Variants in REPS1 observed in about 807,000 individuals in gnomAD.
REPS1 encodes the protein RALBP1 associated Eps domain containing 1, also known as ralBP1-associated Eps domain-containing protein 1.
Under a neutral mutation model 100.9 loss-of-function variants are expected in REPS1, and 39 were observed. The observed-to-expected ratio is 0.39, with a 90% CI of 0.30 to 0.50. REPS1 has a LOEUF of 0.50. Among genes scored for constraint, REPS1 ranks in the 20% least tolerant of loss-of-function variants. The pLI, the probability that REPS1 is intolerant of heterozygous loss-of-function variation, is 0.86. For missense variants in REPS1, 821 were observed against 968.5 expected (o/e 0.85, Z 2.02); for synonymous variants, 324 against 340.3 (o/e 0.95, Z 0.53).
intron 10 of REPS1, among the ~76,000 whole-genome samples, chr6:138,923,016 C>T (rs1780880556): frequency 6.6e-6 from 1 of 152,146 alleles, no homozygotes; most frequent in South Asian, 2.1e-4. Flanking sequence ...TGCCCCTACA[C>T]CACAGAGAAT....
chr6:138,977,750 C>T (rs1362938183), intron 1 of REPS1, among the ~76,000 whole-genome samples: 2 of 152,150 alleles, frequency 1.3e-5, no homozygotes, highest in Non-Finnish European at 2.9e-5. Context: ...TTTCATTTCT[C>T]TTGGGCAGAT....
At position 138,908,677 on chromosome 6, in the gene REPS1, G is replaced by C. The variant is rs200224403; in HGVS notation, c.2207C>G (p.Ser736Cys). ...VLAAVLASQP[S>C]IPRSVGKDKK... is the part of the protein sequence containing the mutation. ...GAATAGCTTTGATTACCTGGGAATA[G>C]AAGGTTGTGATGCAAGAACAGCAGC... Residue 736 changes from serine (S) to cysteine (C), a missense_variant, in exon 18 of 20, where the codon TCT (serine) becomes TGT (cysteine). By Grantham distance (112) the Ser-to-Cys change is moderately radical. Transcript: ENST00000450536. The C allele has an allele frequency of 1.2e-6, 2 of 1,614,106 alleles. No homozygotes were observed. Among genetic ancestry groups the C allele is most frequent in the Non-Finnish European group, 1.7e-6 (2 of 1,179,998 alleles).
At chr6:138,914,336 G>A (rs924190873) in intron 15 of REPS1, among the ~76,000 whole-genome samples, 2 of 152,140 alleles carry the variant, frequency 1.3e-5, no homozygotes, top group African/African-American at 4.8e-5. Flanking sequence ...GCCTCCCAAA[G>A]TGCTGCAATT....
intron 7 of REPS1, among the ~76,000 whole-genome samples, chr6:138,943,098 C>T (rs1782374299): frequency 6.6e-6 from 1 of 152,122 alleles, no homozygotes; most frequent in Admixed American, 6.5e-5. Context: ...GTTCTAATAG[C>T]CAATTCGAAC....
chr6:138,907,718 C>G (rs1779753392), intron 18 of REPS1, 118 bp from the exon 19 acceptor site: 2 of 643,376 alleles, frequency 3.1e-6, no homozygotes, highest in Non-Finnish European at 5.5e-6. Context: ...TTTTTCCTTA[C>G]TAGCACAGCT....
At chr6:138,983,730 C>T (rs1436661664) in intron 1 of REPS1, among the ~76,000 whole-genome samples, 2 of 152,114 alleles carry the variant, frequency 1.3e-5, no homozygotes, top group Non-Finnish European at 2.9e-5. Context: ...TATGTGCATG[C>T]CCAGTCTATG....
Position 138,912,806 on chromosome 6 carries a change from C to T in REPS1, c.1930G>A (p.Glu644Lys), listed in dbSNP as rs1780095977. ...TGTTTCTCGGCTTCATCATCTTGTT[C>T]GTCGTTTACATTTGATGCAGCAAAT... ...EVFAASNVNDEQDDEAEKHPE... is the reference protein window; with the variant it reads ...EVFAASNVNDKQDDEAEKHPE... The change falls in exon 16 of 20, where the codon GAA becomes AAA. Residue 644 changes from glutamate (E) to lysine (K), a missense_variant. Around this residue, in one of 3 missense-constraint regions of REPS1, gnomAD observed 757 missense variants for 866.4 expected, o/e 0.87. Coordinates refer to ENST00000450536, the MANE Select transcript of REPS1 (RefSeq NM_001286611.2). The T allele has an allele frequency of 5.0e-6, 8 of 1,613,986 alleles. No individual in the cohort carries two copies. The highest frequency in any genetic ancestry group is 6.8e-6 in the Non-Finnish European group (8 of 1,180,028).
chr6:138,920,949 C>A, intron 11 of REPS1, 88 bp downstream of exon 11: 1 of 898,000 alleles, frequency 1.1e-6, no homozygotes, highest in Non-Finnish European at 1.8e-6. Flanking sequence ...AAAAAATAAG[C>A]GATGAAAGAA....
chr6:138,963,043 A>G (rs936254181), intron 1 of REPS1, among the ~76,000 whole-genome samples: 2 of 152,046 alleles, frequency 1.3e-5, no homozygotes, highest in African/African-American at 4.8e-5. Context: ...TTCCTCCCCA[A>G]ACTTACTTTG....
intron 10 of REPS1, among the ~76,000 whole-genome samples, chr6:138,923,441 C>T (rs759853906): frequency 4.6e-5 from 7 of 152,126 alleles, no homozygotes; most frequent in African/African-American, 9.7e-5. Flanking sequence ...CTATATTCGA[C>T]GTATGTGTAT....
chr6:138,968,086 T>C (rs1007852169), intron 1 of REPS1, among the ~76,000 whole-genome samples: 1 of 152,224 alleles, frequency 6.6e-6, no homozygotes, highest in African/African-American at 2.4e-5. Flanking sequence ...ATGGGTTTAC[T>C]GGAATGTGAT....
intron 1 of REPS1, among the ~76,000 whole-genome samples, chr6:138,956,529 T>C (rs539582635): frequency 2.0e-5 from 3 of 151,586 alleles, no homozygotes; most frequent in African/African-American, 7.3e-5. Context: ...AGAGAAAAAC[T>C]AGGACAGCTG....
intron 2 of REPS1, among the ~76,000 whole-genome samples, chr6:138,946,066 T>C (rs1782593373): frequency 1.3e-5 from 2 of 152,226 alleles, no homozygotes; most frequent in East Asian, 1.9e-4. Context: ...GCCAAGGTCA[T>C]GCTTGTAGTA....
At chr6:138,981,497 G>GAACT (rs1285075290) in intron 1 of REPS1, among the ~76,000 whole-genome samples, 2 of 152,176 alleles carry the variant, frequency 1.3e-5, no homozygotes, top group Non-Finnish European at 2.9e-5. Context: ...CGACCTTGAA[G>GAACT]AACTAAGCAC....
intron 8 of REPS1, among the ~76,000 whole-genome samples, chr6:138,933,762 T>A (rs1302083989): frequency 6.6e-6 from 1 of 152,224 alleles, no homozygotes; most frequent in East Asian, 1.9e-4. Context: ...GATTTGTTAT[T>A]GCTTTTTTAC....
chr6:138,922,656 C>G (rs549892688), intron 10 of REPS1, among the ~76,000 whole-genome samples: 2 of 152,320 alleles, frequency 1.3e-5, no homozygotes, highest in South Asian at 4.1e-4. Context: ...AGCAATAGAC[C>G]AGCTGAGAAA....
intron 1 of REPS1, among the ~76,000 whole-genome samples, chr6:138,972,653 G>A (rs1040596539): frequency 3.4e-5 from 5 of 146,166 alleles, no homozygotes; most frequent in African/African-American, 1.3e-4. Flanking sequence ...ATACATGTGA[G>A]TTTACTACTA....
At chr6:138,947,225 G>A (rs1239328067) in intron 2 of REPS1, among the ~76,000 whole-genome samples, 2 of 152,090 alleles carry the variant, frequency 1.3e-5, no homozygotes, top group Non-Finnish European at 2.9e-5. Context: ...TTATAGCAGT[G>A]TTAAAATGGA....
intron 1 of REPS1, among the ~76,000 whole-genome samples, chr6:138,949,111 G>C (rs1782828193): frequency 6.6e-6 from 1 of 152,142 alleles, no homozygotes. Context: ...CCCACTTGAC[G>C]CCTCTTAGAG....
Sources: allele counts gnomAD v4.1 joint callset (sites outside exome capture counted in the v4.1 genomes callset), GRCh38; gene constraint gnomAD v4.1.1; regional missense constraint gnomAD v4.1.1; transcripts MANE v1.5; gene names NCBI Gene and HGNC (gene_info 2026-07-23, HGNC 2026-07-21).